DIP2C: variants seen among roughly 807,000 people sequenced by gnomAD.
The protein encoded by DIP2C is disco-interacting protein 2 homolog C.
Under a neutral mutation model 192.4 loss-of-function variants are expected in DIP2C, and 33 were observed. The ratio of observed to expected loss-of-function variants is 0.17; its 90% CI spans 0.13 to 0.23. DIP2C has a LOEUF of 0.23. Ranked by LOEUF, DIP2C falls within the 10% of genes least tolerant of loss-of-function variation. The probability of loss-of-function intolerance (pLI) is 1.00; values close to 1 mark genes in which losing one functional copy is unlikely to be tolerated. For missense variants in DIP2C, 1,537 were observed against 2,110.1 expected (o/e 0.73, Z 5.32); for synonymous variants, 979 against 864.1 (o/e 1.13, Z -2.33).
rs1337585534 is a variant in DIP2C, at chr10:392,908, A to G, written c.1261-2045T>C. Among the ~76,000 whole-genome samples the G allele has an allele frequency of 4.6e-5, 7 of 152,258 alleles. No individual in the cohort carries two copies. The South Asian group carries it at 6.2e-4, about 14-fold the overall frequency. On this transcript the variant is annotated intron_variant, in intron 10 of 36. Coordinates refer to ENST00000280886, the MANE Select transcript of DIP2C (RefSeq NM_014974.3). The stretch of plus-strand genomic sequence containing the variant: ...CACACGTGCCCACACACAGGCGCGC[A>G]CACACACTCAACAAAGAAAGGGACC...
intron 1 of DIP2C, among the ~76,000 whole-genome samples, chr10:508,708 C>G (rs144241328): frequency 6.6e-6 from 1 of 152,020 alleles, no homozygotes; most frequent in African/African-American, 2.4e-5. Context: ...AAAAGCCTCC[C>G]ATGTTTGCTT....
At chr10:482,356 C>T (rs1843671953) in intron 2 of DIP2C, among the ~76,000 whole-genome samples, 1 of 151,842 alleles carries the variant, frequency 6.6e-6, no homozygotes, top group Non-Finnish European at 1.5e-5. Context: ...CCATGGGAGG[C>T]CTCTTCCTGG....
At chr10:414,739 G>GTGTGTGTGTGTGTATATATATATA in intron 7 of DIP2C, among the ~76,000 whole-genome samples, 3 of 90,538 alleles carry the variant, frequency 3.3e-5, no homozygotes, top group African/African-American at 4.5e-5. Context: ...GTGTGTGTGT[G>GTGTGTGTGTGTGTATATATATATA]TACATATATA....
chr10:356,165 T>C, intron 24 of DIP2C: 1 of 580,704 alleles, frequency 1.7e-6, no homozygotes. Flanking sequence ...CTTGCAGATA[T>C]CATTACTCAT....
chr10:409,805 CAGATAA>C (rs991059228), intron 8 of DIP2C, among the ~76,000 whole-genome samples: 3 of 152,184 alleles, frequency 2.0e-5, no homozygotes, highest in African/African-American at 4.8e-5. Context: ...TCCTTGGATT[CAGATAA>C]AGATAATGGT....
intron 26 of DIP2C, among the ~76,000 whole-genome samples, chr10:347,860 G>A (rs71492997): frequency 9.3e-5 from 5 of 53,700 alleles, no homozygotes; most frequent in Admixed American, 2.4e-4. Flanking sequence ...ACCCAGACGC[G>A]TCGCGCATAG....
In DIP2C at chr10:414,739, G is replaced by GTGTATATATATATATATATATATATATA; in HGVS notation, c.860-630_860-629insTATATATATATATATATATATATATACA. 8.4e-4 allele frequency among the ~76,000 whole-genome samples: 76 copies of GTGTATATATATATATATATATATATATA among 90,522 alleles called. 2 individuals are homozygous for GTGTATATATATATATATATATATATATA. The highest frequency in any genetic ancestry group is 1.2e-3 in the Non-Finnish European group (56 of 46,606). The allele number at this position is 90,522 out of a possible 152,430, so 59.4% of individuals were successfully genotyped here. A position where few individuals can be genotyped will look rare whatever the true frequency, so the allele number is the denominator to read the frequency against. The stretch of plus-strand genomic sequence containing the variant: ...TGTGTGTGTGTGTGTGTGTGTGTGT[G>GTGTATATATATATATATATATATATATA]TACATATATATATATATAATGTGTA... On this transcript the variant is annotated intron_variant, in intron 7 of 36. Transcript: ENST00000280886.
At chr10:326,039 G>T (rs1957258096) in intron 31 of DIP2C, among the ~76,000 whole-genome samples, 1 of 151,996 alleles carries the variant, frequency 6.6e-6, no homozygotes, top group Non-Finnish European at 1.5e-5. Flanking sequence ...AAATTAGCCA[G>T]GCGTGGTGGT....
intron 4 of DIP2C, among the ~76,000 whole-genome samples, chr10:435,442 T>C (rs111634386): frequency 0.016 from 2,474 of 152,346 alleles, 74 homozygotes; most frequent in African/African-American, 0.056. Flanking sequence ...ATCATGGCCC[T>C]GTATGCACAG....
chr10:671,764 GAGGAA>G (rs1830654397), intron 1 of DIP2C, among the ~76,000 whole-genome samples: 1 of 131,300 alleles, frequency 7.6e-6, no homozygotes. Context: ...CGCACGGACG[GAGGAA>G]ACGCCACAGA....
At chr10:503,444 C>T (rs866619816) in intron 1 of DIP2C, among the ~76,000 whole-genome samples, 7 of 152,182 alleles carry the variant, frequency 4.6e-5, no homozygotes, top group African/African-American at 1.7e-4. Context: ...TGCTACTATA[C>T]ATAAATTTAA....
Position 321,640 on chromosome 10 carries a change from C to T in DIP2C, c.3924+5366G>A, listed in dbSNP as rs78002308. Reference sequence around the variant, plus strand: ...GTCAGTCGGGGGTGCGGGGCTCCGGCGAGAGACCGGCGCTGTTAGAACAGT... The same window carrying T: ...GTCAGTCGGGGGTGCGGGGCTCCGGTGAGAGACCGGCGCTGTTAGAACAGT... On this transcript the variant is annotated intron_variant, in intron 31 of 36. Transcript: ENST00000280886. 3.5e-3 allele frequency among the ~76,000 whole-genome samples: 273 copies of T among 78,348 alleles called. 3 individuals carry two copies. The highest frequency in any genetic ancestry group is 9.3e-3 in the African/African-American group (152 of 16,272). 51.4% of individuals were successfully genotyped at this position (78,348 alleles called of 152,430 possible).
chr10:295,101 CTTTTT>C lies in DIP2C; in HGVS notation c.3987-6685_3987-6681del, dbSNP rs200972750. ...CACAAATCATCAGAGAAGTGGAAGT[CTTTTT>C]TTTTTCTTAAGTGAAAGCAAGTCTA... is the stretch of plus-strand genomic sequence containing the variant. On this transcript the variant is annotated intron_variant, in intron 32 of 36. Coordinates refer to ENST00000280886, the MANE Select transcript of DIP2C (RefSeq NM_014974.3). Among the ~76,000 whole-genome samples the C allele has an allele frequency of 4.7e-5, 7 of 149,786 alleles. No individual in the cohort carries two copies. In the South Asian group the frequency reaches 1.5e-3, roughly 32 times the overall value.
intron 1 of DIP2C, among the ~76,000 whole-genome samples, chr10:619,424 C>CA (rs1853693153): frequency 6.6e-6 from 1 of 151,544 alleles, no homozygotes; most frequent in Admixed American, 6.6e-5. Context: ...TCCCCTGGTC[C>CA]TTATGGCACC....
rs927021492 is a variant in DIP2C, at chr10:467,092, A to G, written c.268+5347T>C. On this transcript the variant is annotated intron_variant, in intron 3 of 36. Coordinates refer to ENST00000280886, the MANE Select transcript of DIP2C (RefSeq NM_014974.3). ...TAAAGACACATGCACACGTATGTTTATTGCGGCATTACTCACAATAGCAAA... is the reference window on the plus strand; with the variant it reads ...TAAAGACACATGCACACGTATGTTTGTTGCGGCATTACTCACAATAGCAAA... 8.3e-4 allele frequency among the ~76,000 whole-genome samples: 127 copies of G among 152,132 alleles called. 1 individual carries two copies. Among genetic ancestry groups the G allele is most frequent in the Middle Eastern group, 3.4e-3 (1 of 294 alleles).
chr10:622,985 T>C (rs763784994), intron 1 of DIP2C, among the ~76,000 whole-genome samples: 12 of 152,242 alleles, frequency 7.9e-5, no homozygotes, highest in Non-Finnish European at 1.8e-4. Flanking sequence ...CTAAATTCAC[T>C]TTTTCTTTAT....
At chr10:520,895 T>G (rs940899394) in intron 1 of DIP2C, among the ~76,000 whole-genome samples, 1 of 152,242 alleles carries the variant, frequency 6.6e-6, no homozygotes, top group African/African-American at 2.4e-5. Flanking sequence ...TCAATACTTT[T>G]AAAGTCATAC....
intron 35 of DIP2C, among the ~76,000 whole-genome samples, chr10:281,606 A>G (rs1431736129): frequency 6.6e-6 from 1 of 152,216 alleles, no homozygotes; most frequent in African/African-American, 2.4e-5. Flanking sequence ...TATCCAGTCA[A>G]CTGCCTGATT....
At chr10:511,422 G>A (rs949556735) in intron 1 of DIP2C, among the ~76,000 whole-genome samples, 11 of 152,208 alleles carry the variant, frequency 7.2e-5, no homozygotes, top group Non-Finnish European at 1.2e-4. Flanking sequence ...CAGATTCAAC[G>A]TAAAATAACC....
Sources: gnomAD v4.1 joint callset for allele counts (sites outside exome capture counted in the v4.1 genomes callset) on GRCh38, gnomAD v4.1.1 for gene constraint, MANE v1.5 for transcripts, NCBI Gene and HGNC (gene_info 2026-07-23, HGNC 2026-07-21) for gene names.